CCDC186: variants seen among roughly 807,000 people sequenced by gnomAD.
The protein encoded by CCDC186 is coiled-coil domain-containing protein 186.
Under a neutral mutation model 113.7 loss-of-function variants are expected in CCDC186, and 49 were observed. The observed-to-expected ratio is 0.43, with a 90% CI of 0.34 to 0.55. The LOEUF is 0.55. Ranked by LOEUF, CCDC186 falls within the 20% of genes least tolerant of loss-of-function variation. The probability of loss-of-function intolerance (pLI) is 0.02; values close to 1 mark genes in which losing one functional copy is unlikely to be tolerated. For missense variants in CCDC186, 890 were observed against 1,011.1 expected, an observed-to-expected ratio of 0.88 and a Z score of 1.62; for synonymous variants, 355 against 345.8, an observed-to-expected ratio of 1.03 and a Z score of -0.30.
Position 114,139,903 on chromosome 10 carries a change from T to C in CCDC186, c.1222-2613A>G, listed in dbSNP as rs148048711. Among the ~76,000 whole-genome samples the C allele has an allele frequency of 4.6e-3, 705 of 152,266 alleles. 2 individuals are homozygous for C. The highest frequency in any genetic ancestry group is 7.7e-3 in the Non-Finnish European group (522 of 68,020). On this transcript the variant is annotated intron_variant, in intron 6 of 15. Coordinates refer to ENST00000369287, the MANE Select transcript of CCDC186 (RefSeq NM_018017.4). The stretch of plus-strand genomic sequence containing the variant: ...ACTTCATTCGCTCAAAAAATAGCAA[T>C]TGAGAGATTCCCATATGCCAAATAA...
At chr10:114,164,094 GTGT>G (rs2032258162) in intron 1 of CCDC186, among the ~76,000 whole-genome samples, 1 of 125,852 alleles carries the variant, frequency 7.9e-6, no homozygotes, top group African/African-American at 3.2e-5. Flanking sequence ...GTGTGTGTGT[GTGT>G]GTGTGTATAT....
chr10:114,139,647 T>C (rs2031404101), intron 6 of CCDC186, among the ~76,000 whole-genome samples: 1 of 152,128 alleles, frequency 6.6e-6, no homozygotes, highest in African/African-American at 2.4e-5. Context: ...ATGTAAGTAC[T>C]GAAAGTTATA....
chr10:114,158,232 A>C (rs193164481), intron 2 of CCDC186, among the ~76,000 whole-genome samples: 1 of 152,364 alleles, frequency 6.6e-6, no homozygotes, highest in East Asian at 1.9e-4. Flanking sequence ...CAGATTTTAA[A>C]AATATTTTAA....
intron 1 of CCDC186, chr10:114,166,034 G>T: frequency 1.6e-6 from 1 of 611,638 alleles, no homozygotes; most frequent in Non-Finnish European, 2.0e-6. Flanking sequence ...AACCAAAAGT[G>T]GCGGCAAAGT....
At chr10:114,144,450 CAAAA>C in intron 6 of CCDC186, 43 bp downstream of exon 6, 2 of 1,546,636 alleles carry the variant, frequency 1.3e-6, no homozygotes, top group Non-Finnish European at 1.7e-6. Flanking sequence ...AAAACAAAAA[CAAAA>C]AAACTCATTC....
intron 2 of CCDC186, among the ~76,000 whole-genome samples, chr10:114,159,518 C>T (rs1420248122): frequency 1.3e-5 from 2 of 151,664 alleles, no homozygotes; most frequent in Non-Finnish European, 1.5e-5. Context: ...TAGGGCGTGC[C>T]TGTAGTCCCA....
chr10:114,142,693 T>C (rs555250897), intron 6 of CCDC186, among the ~76,000 whole-genome samples: 2 of 152,320 alleles, frequency 1.3e-5, no homozygotes, highest in East Asian at 3.9e-4. Flanking sequence ...TCTGGTAATA[T>C]GCACTGGGGG....
At chr10:114,170,000 C>T (rs561569113) in intron 1 of CCDC186, among the ~76,000 whole-genome samples, 2 of 152,234 alleles carry the variant, frequency 1.3e-5, no homozygotes, top group South Asian at 4.2e-4. Context: ...TGGGCTCAAG[C>T]AATCATCCCA....
At chr10:114,130,862 T>C (rs1189899034) in intron 12 of CCDC186, among the ~76,000 whole-genome samples, 2 of 152,216 alleles carry the variant, frequency 1.3e-5, no homozygotes, top group Non-Finnish European at 2.9e-5. Context: ...AAGCACTTTT[T>C]ATTGACAGGA....
At chr10:114,145,064 G>A (rs1478801943) in intron 5 of CCDC186, among the ~76,000 whole-genome samples, 1 of 152,000 alleles carries the variant, frequency 6.6e-6, no homozygotes, top group African/African-American at 2.4e-5. Flanking sequence ...CTGAATAGCT[G>A]GCTCAGTAAC....
intron 3 of CCDC186, 100 bp from the exon 4 acceptor site, chr10:114,151,320 C>T (rs2031851206): frequency 1.1e-6 from 1 of 884,088 alleles, no homozygotes; most frequent in Non-Finnish European, 1.6e-6. Context: ...ATAAAGAATA[C>T]AATGAATATA....
chr10:114,154,565 C>T (rs574280156), intron 3 of CCDC186, among the ~76,000 whole-genome samples: 1 of 152,072 alleles, frequency 6.6e-6, no homozygotes, highest in Non-Finnish European at 1.5e-5. Context: ...ACAACAACAA[C>T]AAAAACCTAC....
chr10:114,172,863 G>T (rs1472607854), intron 1 of CCDC186, among the ~76,000 whole-genome samples: 2 of 152,156 alleles, frequency 1.3e-5, no homozygotes, highest in Admixed American at 1.3e-4. Context: ...AGATAGTTCA[G>T]TTTCACTATC....
chr10:114,172,903 G>A (rs777542811), intron 1 of CCDC186, among the ~76,000 whole-genome samples: 6 of 152,056 alleles, frequency 3.9e-5, no homozygotes, highest in Admixed American at 6.5e-5. Context: ...TCCTTCCCAC[G>A]AGATGAACAC....
At chr10:114,169,412 T>A (rs1034169928) in intron 1 of CCDC186, among the ~76,000 whole-genome samples, 3 of 151,874 alleles carry the variant, frequency 2.0e-5, no homozygotes, top group Non-Finnish European at 2.9e-5. Flanking sequence ...CCCAGCTAAT[T>A]TTTGTATTTT....
At chr10:114,134,813 G>A (rs896711982) in intron 10 of CCDC186, 100 bp downstream of exon 10, 4 of 1,334,882 alleles carry the variant, frequency 3.0e-6, no homozygotes, top group Middle Eastern at 2.5e-4. Context: ...TAGTAAAATT[G>A]TAAAATTTTT....
intron 4 of CCDC186, among the ~76,000 whole-genome samples, chr10:114,148,208 T>C (rs2031705991): frequency 6.6e-6 from 1 of 152,190 alleles, no homozygotes; most frequent in African/African-American, 2.4e-5. Context: ...CTGTTACTCA[T>C]GGGGTCATCC....
rs150309375 is a variant in CCDC186 at position 114,127,830 on chromosome 10, T to A, written c.2183-159A>T. On this transcript the variant is annotated intron_variant, in intron 13 of 15. Transcript: ENST00000369287. ...CGTGGCTGAGGTTCTGGTTTCTGAA[T>A]ATACTGGTGACAGAAGTACCAACAG... Among the ~76,000 whole-genome samples the A allele has an allele frequency of 3.4e-3, 524 of 152,308 alleles. 1 individual carries two copies. Among genetic ancestry groups the A allele is most frequent in the African/African-American group, 0.012 (499 of 41,574 alleles).
At chr10:114,131,116 T>C in intron 12 of CCDC186, 31 bp downstream of exon 12, 1 of 1,376,718 alleles carries the variant, frequency 7.3e-7, no homozygotes, top group Non-Finnish European at 9.5e-7. Flanking sequence ...AACAAACACA[T>C]TCATGGTCTA....
Sources: gnomAD v4.1 joint callset for allele counts (sites outside exome capture counted in the v4.1 genomes callset) on GRCh38, gnomAD v4.1.1 for gene constraint, MANE v1.5 for transcripts, NCBI Gene and HGNC (gene_info 2026-07-23, HGNC 2026-07-21) for gene names.